Variants in PTPRD observed in about 807,000 individuals in gnomAD.
The protein encoded by PTPRD is receptor-type tyrosine-protein phosphatase delta.
Under a neutral mutation model 214.5 loss-of-function variants are expected in PTPRD, and 34 were observed. That is an observed-to-expected ratio of 0.16 (90% CI 0.12 to 0.21). The LOEUF is 0.21. PTPRD is among the 10% of genes least tolerant of loss of function. The probability of loss-of-function intolerance (pLI) is 1.00; values close to 1 mark genes in which losing one functional copy is unlikely to be tolerated. For synonymous variants in PTPRD, 1,128 were observed against 845.7 expected, an observed-to-expected ratio of 1.33 and a Z score of -5.79; for missense variants, 2,545 against 2,398.7, an observed-to-expected ratio of 1.06 and a Z score of -1.27.
At chr9:8,459,602 T>C (rs1309111574) in intron 33 of PTPRD, among the ~76,000 whole-genome samples, 1 of 151,842 alleles carries the variant, frequency 6.6e-6, no homozygotes, top group African/African-American at 2.4e-5. Context: ...GACTGGCCAG[T>C]GCCCTAGGGG....
chr9:9,040,967 G>C (rs2099637838), intron 10 of PTPRD, among the ~76,000 whole-genome samples: 1 of 152,086 alleles, frequency 6.6e-6, no homozygotes, highest in Non-Finnish European at 1.5e-5. Context: ...ACTGCCCTGA[G>C]CTTGATTTGT....
chr9:9,967,887 T>C (rs1282456738), intron 4 of PTPRD, among the ~76,000 whole-genome samples: 1 of 152,160 alleles, frequency 6.6e-6, no homozygotes, highest in Non-Finnish European at 1.5e-5. Context: ...GTATACTTGA[T>C]AGAAGCTTTG....
At chr9:9,216,478 C>T (rs2099952322) in intron 9 of PTPRD, among the ~76,000 whole-genome samples, 1 of 152,138 alleles carries the variant, frequency 6.6e-6, no homozygotes, top group Non-Finnish European at 1.5e-5. Flanking sequence ...CTTCTATATG[C>T]CCTTTCTTCT....
rs1391001627 is a variant in PTPRD at position 10,347,443 on chromosome 9, T to A, written c.-599-6426A>T. ...TTTTTTTTTTGAGATGGAGTTTTGC[T>A]CTTATTGCCCAGGCTGGAGTGCAAC... On this transcript the variant is annotated intron_variant, in intron 2 of 45. Coordinates refer to ENST00000381196, the MANE Select transcript of PTPRD (RefSeq NM_002839.4). Among the ~76,000 whole-genome samples, 4 of 147,128 alleles carry A rather than the reference T, an allele frequency of 2.7e-5. No individual in the cohort carries two copies. In the East Asian group the frequency reaches 8.1e-4, roughly 30 times the overall value.
intron 9 of PTPRD, among the ~76,000 whole-genome samples, chr9:9,221,631 C>T (rs1210080003): frequency 6.6e-6 from 1 of 151,908 alleles, no homozygotes; most frequent in Non-Finnish European, 1.5e-5. Context: ...ATAAGGACCC[C>T]AATCTGTAAC....
chr9:8,916,540 G>C lies in PTPRD; in HGVS notation c.-104+102157C>G, dbSNP rs1169583041. The stretch of plus-strand genomic sequence containing the variant: ...ATGAACTGGAGGTAGTGTGTAGAGA[G>C]GCCTTTTAGAAAAGTTTGACTATGA... On this transcript the variant is annotated intron_variant, in intron 11 of 45. Transcript: ENST00000381196. Among the ~76,000 whole-genome samples the C allele has an allele frequency of 2.0e-5, 3 of 152,186 alleles. No homozygotes were observed. In the East Asian group the frequency reaches 5.8e-4, roughly 29 times the overall value.
intron 3 of PTPRD, among the ~76,000 whole-genome samples, chr9:10,224,149 T>C (rs1026939475): frequency 6.6e-6 from 1 of 152,022 alleles, no homozygotes; most frequent in Admixed American, 6.6e-5. Flanking sequence ...AGGATAATCA[T>C]AGAATCCATT....
At chr9:9,810,541 G>A (rs1314302959) in intron 5 of PTPRD, among the ~76,000 whole-genome samples, 1 of 151,206 alleles carries the variant, frequency 6.6e-6, no homozygotes, top group Non-Finnish European at 1.5e-5. Flanking sequence ...AAGACTGGAT[G>A]ACAGCAAAAC....
intron 12 of PTPRD, among the ~76,000 whole-genome samples, chr9:8,661,009 G>T (rs2097034188): frequency 6.6e-6 from 1 of 152,010 alleles, no homozygotes; most frequent in Non-Finnish European, 1.5e-5. Flanking sequence ...CTATGAAAGA[G>T]CTTGTATCAT....
intron 39 of PTPRD, among the ~76,000 whole-genome samples, chr9:8,356,238 C>T (rs1181402824): frequency 2.6e-5 from 4 of 151,922 alleles, no homozygotes; most frequent in East Asian, 3.9e-4. Flanking sequence ...ACCCCAAATG[C>T]GAGCAAATCA....
In PTPRD at chr9:8,711,840, A is replaced by T. The variant is rs113636626; in HGVS notation, c.64+21940T>A. The stretch of plus-strand genomic sequence containing the variant: ...AATATTTGAAACAACCCAAAGGAAT[A>T]AATAAAACTGTGATACGGATATAAT... On this transcript the variant is annotated intron_variant, in intron 12 of 45. Coordinates refer to ENST00000381196, the MANE Select transcript of PTPRD (RefSeq NM_002839.4). Among the ~76,000 whole-genome samples, 1,392 of 152,368 alleles carry T rather than the reference A, an allele frequency of 9.1e-3. 34 individuals are homozygous for T. Among genetic ancestry groups the T allele is most frequent in the African/African-American group, 0.032 (1,327 of 41,582 alleles).
At chr9:8,907,158 T>C (rs922113787) in intron 11 of PTPRD, among the ~76,000 whole-genome samples, 4 of 150,108 alleles carry the variant, frequency 2.7e-5, no homozygotes, top group African/African-American at 9.8e-5. Flanking sequence ...ACACACCAAA[T>C]AAACAACAAA....
chr9:8,632,149 C>CTGTGTGTG (rs956955451), intron 14 of PTPRD, among the ~76,000 whole-genome samples: 3 of 114,360 alleles, frequency 2.6e-5, no homozygotes, highest in East Asian at 4.5e-4. Context: ...GTGTGTGTGT[C>CTGTGTGTG]TGTGTGTGTG....
chr9:8,547,373 A>T (rs866433675), intron 14 of PTPRD, among the ~76,000 whole-genome samples: 1 of 152,152 alleles, frequency 6.6e-6, no homozygotes, highest in Non-Finnish European at 1.5e-5. Flanking sequence ...AAATAGGCAT[A>T]GTGGGCCAGG....
At chr9:8,684,175 C>A (rs947950080) in intron 12 of PTPRD, among the ~76,000 whole-genome samples, 1 of 152,174 alleles carries the variant, frequency 6.6e-6, no homozygotes, top group Non-Finnish European at 1.5e-5. Flanking sequence ...AAGCTACCAA[C>A]GTTTTGTGTC....
intron 14 of PTPRD, among the ~76,000 whole-genome samples, chr9:8,580,735 G>C (rs2092986291): frequency 6.6e-6 from 1 of 152,090 alleles, no homozygotes; most frequent in South Asian, 2.1e-4. Context: ...AGGTATTATG[G>C]TCAGCCAGAC....
intron 9 of PTPRD, among the ~76,000 whole-genome samples, chr9:9,274,878 C>T (rs1594963372): frequency 1.3e-5 from 2 of 148,286 alleles, no homozygotes; most frequent in Non-Finnish European, 3.0e-5. Flanking sequence ...AATGATTCTA[C>T]TCGTAAATAA....
chr9:9,051,757 T>G (rs1033973485), intron 10 of PTPRD, among the ~76,000 whole-genome samples: 2 of 152,190 alleles, frequency 1.3e-5, no homozygotes, highest in Non-Finnish European at 2.9e-5. Context: ...GCAAAGGCTT[T>G]AGGTTTTTAT....
At chr9:8,979,018 G>A (rs1467219859) in intron 11 of PTPRD, among the ~76,000 whole-genome samples, 1 of 151,982 alleles carries the variant, frequency 6.6e-6, no homozygotes, top group African/African-American at 2.4e-5. Context: ...AAAGAGTCTT[G>A]TGAAGTTGAA....
Sources: gnomAD v4.1 joint callset for allele counts (sites outside exome capture counted in the v4.1 genomes callset) on GRCh38, gnomAD v4.1.1 for gene constraint, MANE v1.5 for transcripts, NCBI Gene and HGNC (gene_info 2026-07-23, HGNC 2026-07-21) for gene names.